Variants in SKAP1 observed in about 807,000 individuals in gnomAD.
The protein encoded by SKAP1 is src kinase-associated phosphoprotein 1.
Under a neutral mutation model 58.5 loss-of-function variants are expected in SKAP1, and 44 were observed. The ratio of observed to expected loss-of-function variants is 0.75; its 90% CI spans 0.59 to 0.97. SKAP1 has a LOEUF of 0.97. Among genes scored for constraint, SKAP1 ranks in the 50% least tolerant of loss-of-function variants. The probability of loss-of-function intolerance (pLI) is 0.00; values close to 1 mark genes in which losing one functional copy is unlikely to be tolerated. For missense variants in SKAP1, 390 were observed against 435.2 expected (o/e 0.90, Z 0.92); for synonymous variants, 127 against 149.7 (o/e 0.85, Z 1.11).
chr17:48,200,135 A>AG (rs1555601987), intron 4 of SKAP1, among the ~76,000 whole-genome samples: 2 of 151,662 alleles, frequency 1.3e-5, no homozygotes, highest in African/African-American at 4.8e-5. Context: ...TAAAAAAAAA[A>AG]GTACAAAAAT....
intron 4 of SKAP1, among the ~76,000 whole-genome samples, chr17:48,218,896 C>A (rs1166824152): frequency 1.3e-5 from 2 of 151,236 alleles, no homozygotes; most frequent in African/African-American, 4.9e-5. Context: ...AAAAAAAAAA[C>A]CCTCATGGGG....
At chr17:48,150,036 T>C (rs2063881779) in intron 11 of SKAP1, among the ~76,000 whole-genome samples, 1 of 152,194 alleles carries the variant, frequency 6.6e-6, no homozygotes. Context: ...TTTTGGGTGG[T>C]TTAAAGTACT....
rs7209669 is a variant in SKAP1 at position 48,184,975 on chromosome 17, G to A, written c.443-128C>T. 328 of 884,792 alleles carry A rather than the reference G, an allele frequency of 3.7e-4. 2 individuals carry two copies. In the African/African-American group the frequency reaches 4.7e-3, roughly 13 times the overall value. The allele number at this position is 884,792 out of a possible 1,614,324, so 54.8% of individuals were successfully genotyped here. ...TCCCTGAGGAACCACAATAGTCAAG[G>A]AAAGGTTATTAGAGAAGCTTAAGAA... On this transcript the variant is annotated intron_variant, in intron 6 of 12. Transcript: ENST00000336915.
chr17:48,254,037 A>G (rs903083740), intron 4 of SKAP1, among the ~76,000 whole-genome samples: 1 of 152,158 alleles, frequency 6.6e-6, no homozygotes, highest in African/African-American at 2.4e-5. Context: ...TACTGTACTG[A>G]GATGACATGA....
At chr17:48,328,387 AG>A (rs1269524433) in intron 4 of SKAP1, among the ~76,000 whole-genome samples, 2 of 152,194 alleles carry the variant, frequency 1.3e-5, no homozygotes, top group East Asian at 3.8e-4. Context: ...TTGAAACAAG[AG>A]GGCCTATATG....
intron 4 of SKAP1, among the ~76,000 whole-genome samples, chr17:48,251,500 A>G (rs1205134460): frequency 6.6e-6 from 1 of 152,226 alleles, no homozygotes; most frequent in African/African-American, 2.4e-5. Context: ...ATGTTTTTTA[A>G]AAAGAACTTT....
intron 4 of SKAP1, among the ~76,000 whole-genome samples, chr17:48,342,086 G>A (rs756898211): frequency 1.3e-5 from 2 of 152,126 alleles, no homozygotes; most frequent in African/African-American, 2.4e-5. Context: ...ATATTTGGAC[G>A]CTGAAAACAA....
intron 9 of SKAP1, among the ~76,000 whole-genome samples, chr17:48,173,158 C>A (rs2064239063): frequency 6.6e-6 from 1 of 151,082 alleles, no homozygotes; most frequent in Admixed American, 6.6e-5. Context: ...CCAGCCTGGG[C>A]CTGGGCAACA....
chr17:48,308,323 CATAGTCATAG>C (rs2066176740), intron 4 of SKAP1: 1 of 152,148 alleles, frequency 6.6e-6, no homozygotes, highest in Non-Finnish European at 1.5e-5. Context: ...TGTCAATGAA[CATAGTCATAG>C]ACTAGACAAG....
intron 4 of SKAP1, among the ~76,000 whole-genome samples, chr17:48,192,034 G>A (rs1445086909): frequency 1.3e-5 from 2 of 152,050 alleles, no homozygotes; most frequent in Non-Finnish European, 2.9e-5. Context: ...CTCCTGGGGA[G>A]GCCAGGTGTG....
chr17:48,328,408 A>T (rs1381550746), intron 4 of SKAP1, among the ~76,000 whole-genome samples: 1 of 152,136 alleles, frequency 6.6e-6, no homozygotes, highest in Non-Finnish European at 1.5e-5. Context: ...GACTTAATGA[A>T]TACTTGTGAA....
At chr17:48,183,506 G>A (rs969615299) in intron 7 of SKAP1, among the ~76,000 whole-genome samples, 10 of 152,046 alleles carry the variant, frequency 6.6e-5, no homozygotes, top group African/African-American at 2.4e-4. Flanking sequence ...ATTAGGGTAA[G>A]GTAAAGGTAT....
intron 4 of SKAP1, among the ~76,000 whole-genome samples, chr17:48,303,111 T>C (rs2066084045): frequency 6.6e-6 from 1 of 152,190 alleles, no homozygotes; most frequent in South Asian, 2.1e-4. Context: ...TTGACTAGCT[T>C]AGTCACTGAA....
chr17:48,360,485 T>C (rs1390324664), intron 3 of SKAP1, among the ~76,000 whole-genome samples: 1 of 152,144 alleles, frequency 6.6e-6, no homozygotes, highest in East Asian at 1.9e-4. Context: ...ACTGAAATTA[T>C]AAAAATTCCA....
At chr17:48,410,702 G>T (rs769764579) in intron 1 of SKAP1, among the ~76,000 whole-genome samples, 1 of 151,940 alleles carries the variant, frequency 6.6e-6, no homozygotes, top group Non-Finnish European at 1.5e-5. Flanking sequence ...CAAGGTGGGC[G>T]GATCACTTGA....
chr17:48,226,033 A>G (rs2065064856), intron 4 of SKAP1, among the ~76,000 whole-genome samples: 1 of 152,202 alleles, frequency 6.6e-6, no homozygotes. Flanking sequence ...AGCACAGCAC[A>G]TGCCAGGCCA....
chr17:48,220,711 G>A (rs1324697669), intron 4 of SKAP1, among the ~76,000 whole-genome samples: 2 of 151,878 alleles, frequency 1.3e-5, no homozygotes, highest in African/African-American at 2.4e-5. Flanking sequence ...ACAAAAGCCG[G>A]GCGTGGTTGC....
rs368084783 is a variant in SKAP1, at chr17:48,350,243, CAGAGA to C, written c.179-4242_179-4238del. Among the ~76,000 whole-genome samples the C allele has an allele frequency of 4.6e-4, 70 of 152,118 alleles. 1 individual carries two copies. In the East Asian group the frequency reaches 8.9e-3, roughly 19 times the overall value. On this transcript the variant is annotated intron_variant, in intron 3 of 12. Transcript: ENST00000336915. ...AAAAAAGTGAGAAAATAACAAATAA[CAGAGA>C]AAACATATATGTTTGCTTATTCAAT...
chr17:48,433,725 G>T (rs1307528376), upstream of SKAP1, among the ~76,000 whole-genome samples: 1 of 152,204 alleles, frequency 6.6e-6, no homozygotes, highest in Non-Finnish European at 1.5e-5. Context: ...GAGTCCAGCA[G>T]CACAACATGC....
Sources: allele counts gnomAD v4.1 joint callset (sites outside exome capture counted in the v4.1 genomes callset), GRCh38; gene constraint gnomAD v4.1.1; transcripts MANE v1.5; gene names NCBI Gene and HGNC (gene_info 2026-07-23, HGNC 2026-07-21).